The following RANBP2 variants were observed in gnomAD, a reference collection of about 807,000 sequenced individuals.
The protein encoded by RANBP2 is RAN binding protein 2, also known as E3 SUMO-protein ligase RanBP2.
A neutral mutation model predicts 303.6 loss-of-function variants in RANBP2; 57 were observed. The ratio of observed to expected loss-of-function variants is 0.19; its 90% CI spans 0.15 to 0.23. RANBP2 has a LOEUF of 0.23. Ranked by LOEUF, RANBP2 falls within the 10% of genes least tolerant of loss-of-function variation. The pLI, the probability that RANBP2 is intolerant of heterozygous loss-of-function variation, is 1.00. For missense variants in RANBP2, 3,138 were observed against 3,780.8 expected (o/e 0.83, Z 4.46); for synonymous variants, 1,167 against 1,301.5 (o/e 0.90, Z 2.23).
the RANBP2 span, among the ~76,000 whole-genome samples, chr2:109,017,100 T>C: frequency 6.6e-6 from 1 of 152,364 alleles, no homozygotes; most frequent in African/African-American, 2.4e-5. Context: ...TTTTTCTATC[T>C]TGACTTATTC....
downstream of RANBP2, among the ~76,000 whole-genome samples, chr2:108,788,644 C>G (rs1321780981): frequency 6.6e-6 from 1 of 151,808 alleles, no homozygotes; most frequent in Non-Finnish European, 1.5e-5. Context: ...GGGGTGAACC[C>G]GGGAGACGGA....
rs932783124 is a variant in RANBP2, at chr2:108,767,251, G to T, written c.6712G>T (p.Val2238Phe). Residue 2238 changes from valine to phenylalanine, a missense_variant, in exon 20 of 29, where the codon GTC (valine) becomes TTC (phenylalanine). Transcript: ENST00000283195. ...AAGGGAAGATGCTTTGGATGATAGT[G>T]TCAGTAGTAGCTCAGTACATGCTTC... is the stretch of plus-strand genomic sequence containing the variant. ...DLREDALDDSVSSSSVHASPL... is the reference protein window; with the variant it reads ...DLREDALDDSFSSSSVHASPL... 1.2e-6 allele frequency: 2 copies of T among 1,612,028 alleles called. No individual in the cohort carries two copies. The highest frequency in any genetic ancestry group is 1.7e-5 in the Admixed American group (1 of 60,008).
the RANBP2 span, among the ~76,000 whole-genome samples, chr2:109,696,924 C>T: frequency 5.9e-5 from 9 of 151,996 alleles, no homozygotes; most frequent in African/African-American, 1.2e-4. Flanking sequence ...ACCACAGGTG[C>T]GCACCACCAT....
chr2:109,403,242 C>T, the RANBP2 span, among the ~76,000 whole-genome samples: 2 of 152,224 alleles, frequency 1.3e-5, no homozygotes, highest in Non-Finnish European at 2.9e-5. Context: ...GGCTGGCCTC[C>T]TCCCCGCAGC....
the RANBP2 span, chr2:108,846,820 C>A: frequency 1.9e-6 from 3 of 1,612,576 alleles, no homozygotes; most frequent in Non-Finnish European, 8.5e-7. Context: ...CAGGATAATT[C>A]TCCACAGCAT....
chr2:109,158,386 T>A, the RANBP2 span, among the ~76,000 whole-genome samples: 1 of 152,312 alleles, frequency 6.6e-6, no homozygotes, highest in African/African-American at 2.4e-5. Context: ...AGTGTGTAAG[T>A]GCAGGAGTCT....
At chr2:108,748,339 C>T (rs1213798776) in intron 8 of RANBP2, among the ~76,000 whole-genome samples, 1 of 150,756 alleles carries the variant, frequency 6.6e-6, no homozygotes, top group African/African-American at 2.4e-5. Context: ...TCCCCAGTAG[C>T]TGGGACTACA....
chr2:109,418,141 G>A, the RANBP2 span, among the ~76,000 whole-genome samples: 511 of 152,240 alleles, frequency 3.4e-3, 2 homozygotes, highest in Non-Finnish European at 5.6e-3. Context: ...CGAGGTACCT[G>A]CAGCCTGGCC....
At chr2:109,289,224 G>T in the RANBP2 span, among the ~76,000 whole-genome samples, 1 of 152,120 alleles carries the variant, frequency 6.6e-6, no homozygotes, top group African/African-American at 2.4e-5. Context: ...TGGACTGCAC[G>T]CTCTATGTGC....
At chr2:109,565,020 T>A in the RANBP2 span, among the ~76,000 whole-genome samples, 2 of 152,340 alleles carry the variant, frequency 1.3e-5, no homozygotes, top group East Asian at 3.9e-4. Context: ...GATCCTGTGT[T>A]AGACACTATT....
chr2:108,955,534 G>C, the RANBP2 span, among the ~76,000 whole-genome samples: 1 of 150,682 alleles, frequency 6.6e-6, no homozygotes, highest in African/African-American at 2.4e-5. Flanking sequence ...GATCACCTGA[G>C]GTCAGGGGTT....
chr2:108,814,780 C>T, the RANBP2 span, among the ~76,000 whole-genome samples: 84 of 150,938 alleles, frequency 5.6e-4, no homozygotes, highest in African/African-American at 2.0e-3. Flanking sequence ...GGATTACAGG[C>T]GCCCACCACC....
chr2:109,682,989 C>T, the RANBP2 span, among the ~76,000 whole-genome samples: 1 of 152,132 alleles, frequency 6.6e-6, no homozygotes, highest in African/African-American at 2.4e-5. Flanking sequence ...CTCCCTTTTC[C>T]CTAAGAAGGA....
the RANBP2 span, among the ~76,000 whole-genome samples, chr2:109,650,351 C>G: frequency 1.3e-5 from 2 of 152,174 alleles, no homozygotes; most frequent in African/African-American, 4.8e-5. Context: ...GGCAGAAAGA[C>G]AAAAAGTGGA....
the RANBP2 span, chr2:109,614,342 G>A: frequency 8.6e-6 from 6 of 696,078 alleles, no homozygotes; most frequent in South Asian, 4.4e-4. Context: ...CCAGTGAGGC[G>A]GTGGCCGAGT....
the RANBP2 span, among the ~76,000 whole-genome samples, chr2:108,849,817 C>A: frequency 2.6e-5 from 4 of 152,202 alleles, no homozygotes; most frequent in African/African-American, 9.7e-5. Flanking sequence ...TCATCTACTA[C>A]CTGGGGCCAA....
the RANBP2 span, among the ~76,000 whole-genome samples, chr2:109,305,658 A>AT: frequency 6.6e-6 from 1 of 152,208 alleles, no homozygotes; most frequent in African/African-American, 2.4e-5. Flanking sequence ...TGCACTCAGC[A>AT]TTCGCTCAGT....
At chr2:109,354,102 GCA>G in the RANBP2 span, among the ~76,000 whole-genome samples, 1 of 152,214 alleles carries the variant, frequency 6.6e-6, no homozygotes, top group Non-Finnish European at 1.5e-5. Context: ...GCTGTCAGAG[GCA>G]CAGTTTTGGG....
the RANBP2 span, among the ~76,000 whole-genome samples, chr2:109,645,913 G>A: frequency 2.0e-5 from 3 of 152,156 alleles, no homozygotes; most frequent in South Asian, 2.1e-4. Context: ...CTCTATGCTC[G>A]GAGTGTAGAC....
Sources: allele counts gnomAD v4.1 joint callset (sites outside exome capture counted in the v4.1 genomes callset), GRCh38; gene constraint gnomAD v4.1.1; transcripts MANE v1.5; gene names NCBI Gene and HGNC (gene_info 2026-07-23, HGNC 2026-07-21).